SIRPA: variants seen among roughly 807,000 people sequenced by gnomAD.
The protein encoded by SIRPA is tyrosine-protein phosphatase non-receptor type substrate 1.
A neutral mutation model predicts 50.3 loss-of-function variants in SIRPA; 9 were observed. The observed-to-expected ratio is 0.18, with a 90% CI of 0.11 to 0.31. The LOEUF (loss-of-function observed/expected upper bound fraction) is 0.31. Ranked by LOEUF, SIRPA falls within the 10% of genes least tolerant of loss-of-function variation. The pLI is 1.00. For missense variants in SIRPA, 474 were observed against 661.6 expected (o/e 0.72, Z 3.11); for synonymous variants, 265 against 284.1 (o/e 0.93, Z 0.68).
Position 1,928,055 on chromosome 20 carries a change from G to A in SIRPA, c.1226+156G>A, listed in dbSNP as rs977060387. On this transcript the variant is annotated intron_variant, in intron 6 of 7. Coordinates refer to ENST00000358771, the MANE Select transcript of SIRPA (RefSeq NM_001040023.2). The surrounding 1 kb of genome is among the most constrained non-coding windows in gnomAD (Gnocchi z 4.9). ...TTGTAACCTCCTCACACTGGGTCAC[G>A]CTGTTTTTAATTATTGTCCCAAATG... is the stretch of plus-strand genomic sequence containing the variant. Among the ~76,000 whole-genome samples the A allele has an allele frequency of 1.4e-4, 21 of 152,092 alleles. No homozygotes were observed. The highest frequency in any genetic ancestry group is 2.0e-4 in the Admixed American group (3 of 15,272).
intron 1 of SIRPA, among the ~76,000 whole-genome samples, chr20:1,901,214 A>G (rs1984186484): frequency 8.5e-6 from 1 of 118,330 alleles, no homozygotes; most frequent in African/African-American, 3.4e-5. Flanking sequence ...TCTGTCGCCC[A>G]GGCTGGAGTG....
chr20:1,907,847 T>C (rs1289292576), intron 1 of SIRPA, among the ~76,000 whole-genome samples: 1 of 152,186 alleles, frequency 6.6e-6, no homozygotes, highest in Non-Finnish European at 1.5e-5. Flanking sequence ...GTCCTGGCTG[T>C]TGGAGCCCCA....
chr20:1,913,593 G>A (rs1985034652), intron 1 of SIRPA, among the ~76,000 whole-genome samples: 1 of 152,152 alleles, frequency 6.6e-6, no homozygotes, highest in Non-Finnish European at 1.5e-5. Context: ...GGGGCCCCAG[G>A]TCACCTGTCA....
At chr20:1,935,942 G>A (rs1986552314) in intron 7 of SIRPA, among the ~76,000 whole-genome samples, 2 of 152,204 alleles carry the variant, frequency 1.3e-5, no homozygotes, top group South Asian at 4.1e-4. Context: ...CACAGTCGTA[G>A]AGTCCAACAC....
In SIRPA at chr20:1,921,719, G is replaced by C. The variant is rs1386109955; in HGVS notation, c.754+7G>C. 1 of 1,614,056 alleles carries C rather than the reference G, an allele frequency of 6.2e-7. No homozygotes were observed. Among genetic ancestry groups the C allele is most frequent in the East Asian group, 2.2e-5 (1 of 44,880 alleles). ...TTGTCTGAGACCATCCGAGGTAGAA[G>C]ACCCTCACCCAGCCCAAGCCCACAC... On this transcript the variant is annotated splice_region_variant and intron_variant, in intron 3 of 7. Coordinates refer to ENST00000358771, the MANE Select transcript of SIRPA (RefSeq NM_001040023.2).
intron 1 of SIRPA, among the ~76,000 whole-genome samples, chr20:1,906,603 C>G (rs1195077083): frequency 6.6e-6 from 1 of 152,080 alleles, no homozygotes; most frequent in African/African-American, 2.4e-5. Flanking sequence ...TGGGGGAAAG[C>G]AAGGCTGTAG....
intron 1 of SIRPA, among the ~76,000 whole-genome samples, chr20:1,900,358 G>A (rs1404196189): frequency 2.0e-5 from 3 of 152,030 alleles, no homozygotes; most frequent in Non-Finnish European, 2.9e-5. Flanking sequence ...CCAAAGTGCT[G>A]GGATTACAGG....
In SIRPA at chr20:1,936,251, C is replaced by G. The variant is rs1241512005; in HGVS notation, c.1267-1069C>G. On this transcript the variant is annotated intron_variant, in intron 7 of 7. Transcript: ENST00000358771. The surrounding 1 kb of genome is among the most constrained non-coding windows in gnomAD (Gnocchi z 4.2). ...TTCATGATGGGCGCTTTTGAGGCGG[C>G]AGTGGCAGGTTGATAGGATTAGCAC... is the stretch of plus-strand genomic sequence containing the variant. Among the ~76,000 whole-genome samples the G allele has an allele frequency of 6.6e-6, 1 of 152,132 alleles. No individual in the cohort carries two copies. Among genetic ancestry groups the G allele is most frequent in the Non-Finnish European group, 1.5e-5 (1 of 68,022 alleles).
intron 1 of SIRPA, among the ~76,000 whole-genome samples, chr20:1,910,934 A>G (rs1250743040): frequency 6.6e-6 from 1 of 152,216 alleles, no homozygotes; most frequent in Non-Finnish European, 1.5e-5. Flanking sequence ...TTTTCTTACA[A>G]AAGAAATGCA....
chr20:1,914,385 C>T (rs1371188025), intron 1 of SIRPA, among the ~76,000 whole-genome samples: 1 of 152,204 alleles, frequency 6.6e-6, no homozygotes, highest in Non-Finnish European at 1.5e-5. Flanking sequence ...ATTTTATCCT[C>T]CCAGAGATCC....
At chr20:1,909,803 A>T (rs1408955774) in intron 1 of SIRPA, among the ~76,000 whole-genome samples, 3 of 152,232 alleles carry the variant, frequency 2.0e-5, no homozygotes, top group Non-Finnish European at 4.4e-5. Context: ...AAAAGTATCC[A>T]TGCTAATTTT....
At chr20:1,926,831 C>G (rs907952064) in intron 5 of SIRPA, among the ~76,000 whole-genome samples, 2 of 152,212 alleles carry the variant, frequency 1.3e-5, no homozygotes, top group Non-Finnish European at 2.9e-5. Flanking sequence ...ACTAGACCCC[C>G]CTTCTCCCTC....
Position 1,927,768 on chromosome 20 carries a change from C to T in SIRPA, c.1202-107C>T. 2 of 955,458 alleles carry T rather than the reference C, an allele frequency of 2.1e-6. No homozygotes were observed. Among genetic ancestry groups the T allele is most frequent in the Admixed American group, 3.4e-5 (2 of 58,834 alleles). The allele number at this position is 955,458 out of a possible 1,614,324, so 59.2% of individuals were successfully genotyped here. ...TGTGGTTCCAAGGATGTGATTACAG[C>T]ATTTCCTCTCCATGTCCCTGGAGGC... On this transcript the variant is annotated intron_variant, in intron 5 of 7. Coordinates refer to ENST00000358771, the MANE Select transcript of SIRPA (RefSeq NM_001040023.2). This position sits in a 1 kb window ranked among gnomAD's most constrained non-coding sequence, Gnocchi z 6.5.
intron 2 of SIRPA, among the ~76,000 whole-genome samples, chr20:1,915,835 C>T (rs1555771135): frequency 6.6e-6 from 1 of 152,248 alleles, no homozygotes; most frequent in Non-Finnish European, 1.5e-5. Flanking sequence ...CGAGTCTCCT[C>T]TATGTGACAG....
At chr20:1,906,372 A>T (rs1984548215) in intron 1 of SIRPA, among the ~76,000 whole-genome samples, 1 of 152,234 alleles carries the variant, frequency 6.6e-6, no homozygotes, top group African/African-American at 2.4e-5. Flanking sequence ...ATTAACAAGG[A>T]AATGCGTAGC....
At chr20:1,900,979 G>A (rs761804823) in intron 1 of SIRPA, among the ~76,000 whole-genome samples, 3 of 152,080 alleles carry the variant, frequency 2.0e-5, no homozygotes, top group Admixed American at 2.0e-4. Context: ...CACCGTAAGC[G>A]CCAGATGTGG....
At position 1,934,684 on chromosome 20, in the gene SIRPA, A is replaced by G. The variant is rs753985043; in HGVS notation, c.1227-31A>G. The G allele has an allele frequency of 6.2e-7, 1 of 1,612,536 alleles. No individual in the cohort carries two copies. The stretch of plus-strand genomic sequence containing the variant: ...CATGAGCACTTGAGATAGTGAGGGT[A>G]TTTTTATCTGTGTGTCTCTTTCCTT... On this transcript the variant is annotated intron_variant, in intron 6 of 7. Coordinates refer to ENST00000358771, the MANE Select transcript of SIRPA (RefSeq NM_001040023.2). The surrounding 1 kb of genome is among the most constrained non-coding windows in gnomAD (Gnocchi z 4.6).
At chr20:1,900,485 T>G (rs1015561448) in intron 1 of SIRPA, among the ~76,000 whole-genome samples, 4 of 152,208 alleles carry the variant, frequency 2.6e-5, no homozygotes, top group African/African-American at 9.6e-5. Flanking sequence ...GACTGAGTGC[T>G]GTGGGCACAG....
intron 1 of SIRPA, among the ~76,000 whole-genome samples, chr20:1,912,904 G>T (rs763171088): frequency 6.6e-6 from 1 of 152,208 alleles, no homozygotes; most frequent in Admixed American, 6.5e-5. Flanking sequence ...AGTGCTGCTG[G>T]TGCTGCCTCT....
Sources: allele counts gnomAD v4.1 joint callset (sites outside exome capture counted in the v4.1 genomes callset), GRCh38; gene constraint gnomAD v4.1.1; non-coding constraint Gnocchi (gnomAD v3.1); transcripts MANE v1.5; gene names NCBI Gene and HGNC (gene_info 2026-07-23, HGNC 2026-07-21).